The following TUSC3 variants were observed in gnomAD, a reference collection of about 807,000 sequenced individuals.
The protein encoded by TUSC3 is tumor suppressor candidate 3, also known as dolichyl-diphosphooligosaccharide--protein glycosyltransferase subunit TUSC3.
Under a neutral mutation model 44.8 loss-of-function variants are expected in TUSC3, and 45 were observed. The observed-to-expected ratio is 1.00, with a 90% CI of 0.79 to 1.29. TUSC3 has a LOEUF of 1.29. TUSC3 is among the 50% of genes most tolerant of loss of function. TUSC3 has a pLI of 0.00. For missense variants in TUSC3, 519 were observed against 437.9 expected, an observed-to-expected ratio of 1.19 and a Z score of -1.65; for synonymous variants, 212 against 152.9, an observed-to-expected ratio of 1.39 and a Z score of -2.85.
At chr8:15,730,894 C>T (rs945493749) in intron 7 of TUSC3, among the ~76,000 whole-genome samples, 165 bp downstream of exon 7, 4 of 151,914 alleles carry the variant, frequency 2.6e-5, no homozygotes, top group African/African-American at 4.8e-5. Flanking sequence ...TTTCCTATTA[C>T]GGTATAATTT....
intron 1 of TUSC3, among the ~76,000 whole-genome samples, chr8:15,422,750 G>C (rs7843321): frequency 0.32 from 49,150 of 151,492 alleles, 9,504 homozygotes; most frequent in African/African-American, 0.55. Flanking sequence ...TCCCCCAGGC[G>C]CCCCACCTCA....
chr8:15,829,999 G>A, the TUSC3 span, among the ~76,000 whole-genome samples: 1 of 152,098 alleles, frequency 6.6e-6, no homozygotes, highest in Non-Finnish European at 1.5e-5. Context: ...TGGCTGGTGT[G>A]AGATGGTGTC....
chr8:15,815,356 G>A, the TUSC3 span, among the ~76,000 whole-genome samples: 1 of 152,098 alleles, frequency 6.6e-6, no homozygotes, highest in African/African-American at 2.4e-5. Flanking sequence ...TCAGCATCCT[G>A]AGTCAGCTGG....
At chr8:15,764,110 A>G in intron 10 of TUSC3, 93 bp from the exon 11 acceptor site, 1 of 1,250,436 alleles carries the variant, frequency 8.0e-7, no homozygotes, top group South Asian at 1.3e-5. Context: ...TTAATGTTAT[A>G]TTTACATGTG....
intron 2 of TUSC3, among the ~76,000 whole-genome samples, chr8:15,496,136 A>G (rs1262151390): frequency 6.6e-6 from 1 of 152,172 alleles, no homozygotes; most frequent in African/African-American, 2.4e-5. Context: ...GCCCCTCTCA[A>G]TACCATGTTC....
the TUSC3 span, among the ~76,000 whole-genome samples, chr8:15,829,887 T>C: frequency 6.6e-6 from 1 of 152,146 alleles, no homozygotes; most frequent in Non-Finnish European, 1.5e-5. Flanking sequence ...TTTGCAGACA[T>C]TGTATTAATT....
chr8:15,601,903 G>T (rs1804300123), intron 1 of TUSC3, among the ~76,000 whole-genome samples: 1 of 110,702 alleles, frequency 9.0e-6, no homozygotes, highest in Non-Finnish European at 1.9e-5. Flanking sequence ...ATATAATATT[G>T]TGGTTATTTA....
chr8:15,828,149 C>G, the TUSC3 span, among the ~76,000 whole-genome samples: 1 of 152,054 alleles, frequency 6.6e-6, no homozygotes, highest in East Asian at 1.9e-4. Flanking sequence ...CATGCACCAC[C>G]ACACCTGGCT....
At chr8:15,565,172 T>G (rs2129141366) in intron 1 of TUSC3, among the ~76,000 whole-genome samples, 1 of 151,920 alleles carries the variant, frequency 6.6e-6, no homozygotes, top group South Asian at 2.1e-4. Context: ...GAGCCTTTTT[T>G]TTTTTTTGTC....
At chr8:15,611,685 TGTG>T (rs1804767522) in intron 1 of TUSC3, among the ~76,000 whole-genome samples, 2 of 152,164 alleles carry the variant, frequency 1.3e-5, no homozygotes, top group South Asian at 4.1e-4. Context: ...TATAGCTCAT[TGTG>T]GTCTTCTGAG....
At chr8:15,486,941 T>A (rs925609202) in intron 2 of TUSC3, among the ~76,000 whole-genome samples, 7 of 152,230 alleles carry the variant, frequency 4.6e-5, no homozygotes, top group Non-Finnish European at 8.8e-5. Context: ...CTTGCATCTT[T>A]TTAATATAAC....
the TUSC3 span, among the ~76,000 whole-genome samples, chr8:15,781,525 A>G: frequency 6.6e-6 from 1 of 152,194 alleles, no homozygotes; most frequent in African/African-American, 2.4e-5. Flanking sequence ...TAAGACCATC[A>G]GTGGCTTTTT....
At chr8:15,421,844 A>G (rs923966503) in intron 1 of TUSC3, among the ~76,000 whole-genome samples, 2 of 152,196 alleles carry the variant, frequency 1.3e-5, no homozygotes, top group Non-Finnish European at 2.9e-5. Context: ...AAAAAATTCA[A>G]TTTAAACTAG....
At chr8:15,423,818 A>G (rs1197680092) in intron 1 of TUSC3, among the ~76,000 whole-genome samples, 1 of 151,900 alleles carries the variant, frequency 6.6e-6, no homozygotes, top group Non-Finnish European at 1.5e-5. Flanking sequence ...CGCTGTCTGG[A>G]GCCCTCATAA....
intron 1 of TUSC3, among the ~76,000 whole-genome samples, chr8:15,545,863 T>G (rs776111944): frequency 6.6e-6 from 1 of 151,828 alleles, no homozygotes; most frequent in African/African-American, 2.4e-5. Context: ...TGCTGTAGAT[T>G]ATTTCAGTGA....
intron 2 of TUSC3, among the ~76,000 whole-genome samples, chr8:15,484,260 T>G (rs1800706897): frequency 6.6e-6 from 1 of 152,242 alleles, no homozygotes; most frequent in African/African-American, 2.4e-5. Context: ...ATTCATCTCT[T>G]AACTCAAATG....
intron 6 of TUSC3, among the ~76,000 whole-genome samples, chr8:15,692,354 G>A (rs1365333635): frequency 8.2e-5 from 7 of 85,360 alleles, no homozygotes; most frequent in African/African-American, 2.9e-4. Flanking sequence ...AGTTTGGGAG[G>A]AGACCCCCCC....
intron 1 of TUSC3, among the ~76,000 whole-genome samples, chr8:15,458,065 C>A (rs1407055795): frequency 6.6e-6 from 1 of 151,448 alleles, no homozygotes; most frequent in Non-Finnish European, 1.5e-5. Context: ...CATCTAGATG[C>A]GTTAACATTA....
chr8:15,816,878 A>C, the TUSC3 span, among the ~76,000 whole-genome samples: 1 of 152,230 alleles, frequency 6.6e-6, no homozygotes, highest in African/African-American at 2.4e-5. Flanking sequence ...AGCGCCTAGC[A>C]GAACCAGCTC....
Sources: gnomAD v4.1 joint callset for allele counts (sites outside exome capture counted in the v4.1 genomes callset) on GRCh38, gnomAD v4.1.1 for gene constraint, MANE v1.5 for transcripts, NCBI Gene and HGNC (gene_info 2026-07-23, HGNC 2026-07-21) for gene names.